Variants in PPP1R12C observed in about 807,000 individuals in gnomAD.
The protein encoded by PPP1R12C is protein phosphatase 1 regulatory subunit 12C.
Under a neutral mutation model 95.6 loss-of-function variants are expected in PPP1R12C, and 48 were observed. The observed-to-expected ratio is 0.50, with a 90% CI of 0.40 to 0.64. The LOEUF is 0.64. PPP1R12C is among the 30% of genes least tolerant of loss of function. PPP1R12C has a pLI of 0.00. For missense variants in PPP1R12C, 1,057 were observed against 1,083.3 expected (o/e 0.98, Z 0.34); for synonymous variants, 480 against 460.8 (o/e 1.04, Z -0.53).
chr19:55,106,010 G>A lies in PPP1R12C; in HGVS notation c.572-2442C>T, dbSNP rs1346671755. 4.0e-5 allele frequency among the ~76,000 whole-genome samples: 6 copies of A among 151,634 alleles called. No homozygotes were observed. The East Asian group carries it at 1.2e-3, about 29-fold the overall frequency. ...GCCCCTTGCACCCAGCAATCTTTCT[G>A]TCCCTGTGGATTTGCCTATTCTGAA... On this transcript the variant is annotated intron_variant, in intron 3 of 21. Transcript: ENST00000263433.
intron 3 of PPP1R12C, among the ~76,000 whole-genome samples, chr19:55,106,890 C>T (rs960935227): frequency 2.0e-4 from 31 of 152,158 alleles, no homozygotes; most frequent in Non-Finnish European, 2.6e-4. Context: ...ACCAAGGTGG[C>T]CCAGTGAGCA....
At chr19:55,105,095 T>C (rs1294045928) in intron 3 of PPP1R12C, among the ~76,000 whole-genome samples, 29 of 149,338 alleles carry the variant, frequency 1.9e-4, no homozygotes, top group African/African-American at 7.2e-4. Flanking sequence ...AGACAGGACC[T>C]CACACTGTCA....
Position 55,094,442 on chromosome 19 carries a change from G to T in PPP1R12C, c.1593-7C>A. Reference sequence around the variant, plus strand: ...CACAGGCATCTGGTAGGACCTGAGGGAAGGGTCCCAACCTCAGACAGGGAA... The same window carrying T: ...CACAGGCATCTGGTAGGACCTGAGGTAAGGGTCCCAACCTCAGACAGGGAA... On this transcript the variant is annotated splice_region_variant and splice_polypyrimidine_tract_variant and intron_variant, in intron 12 of 21. Transcript: ENST00000263433. 2 of 1,613,620 alleles carry T rather than the reference G, an allele frequency of 1.2e-6. No individual in the cohort carries two copies. The highest frequency in any genetic ancestry group is 1.7e-6 in the Non-Finnish European group (2 of 1,179,890).
intron 3 of PPP1R12C, among the ~76,000 whole-genome samples, chr19:55,107,636 T>C (rs2085052613): frequency 7.3e-6 from 1 of 136,616 alleles, no homozygotes; most frequent in Non-Finnish European, 1.5e-5. Flanking sequence ...CACTCATAGG[T>C]GGGAAATGAA....
chr19:55,105,341 A>G (rs556395190), intron 3 of PPP1R12C, among the ~76,000 whole-genome samples: 1 of 152,306 alleles, frequency 6.6e-6, no homozygotes, highest in Admixed American at 6.5e-5. Context: ...CGCCCTCTGC[A>G]TGTCTGCTGC....
chr19:55,109,677 G>A lies in PPP1R12C; in HGVS notation c.571+2790C>T, dbSNP rs1456557630. ...CTCCCAGCCCTGCCTGTGAGTGGCTGCCAGGGCCACACTATGGCCAGAGCC... is the reference window on the plus strand; with the variant it reads ...CTCCCAGCCCTGCCTGTGAGTGGCTACCAGGGCCACACTATGGCCAGAGCC... On this transcript the variant is annotated intron_variant, in intron 3 of 21. Coordinates refer to ENST00000263433, the MANE Select transcript of PPP1R12C (RefSeq NM_017607.4). The surrounding 1 kb of genome is among the most constrained non-coding windows in gnomAD (Gnocchi z 4.4). Among the ~76,000 whole-genome samples, 1 of 152,266 alleles carries A rather than the reference G, an allele frequency of 6.6e-6. No individual in the cohort carries two copies. The highest frequency in any genetic ancestry group is 1.9e-4 in the East Asian group (1 of 5,200).
intron 6 of PPP1R12C, among the ~76,000 whole-genome samples, chr19:55,097,607 G>C (rs867139555): frequency 1.4e-4 from 1 of 6,906 alleles, no homozygotes; most frequent in South Asian, 0.012. Context: ...CACCGTCTTC[G>C]CCCCTTCCCC....
At chr19:55,098,705 G>T in intron 6 of PPP1R12C, 79 bp downstream of exon 6, 2 of 1,531,314 alleles carry the variant, frequency 1.3e-6, no homozygotes, top group South Asian at 1.1e-5. Flanking sequence ...AGTCGGGGGG[G>T]TTCCCCCTCT....
rs1181022092 is a variant in PPP1R12C at position 55,096,190 on chromosome 19, G to C, written c.1026-12C>G. ...GACACACAGAGCTCCTGTTGGGGAA[G>C]GAGAGGGTGCTGGGGTACAAGCCCG... On this transcript the variant is annotated splice_polypyrimidine_tract_variant and intron_variant, in intron 7 of 21. Transcript: ENST00000263433. 1.2e-6 allele frequency: 2 copies of C among 1,608,992 alleles called. No homozygotes were observed. The highest frequency in any genetic ancestry group is 1.7e-6 in the Non-Finnish European group (2 of 1,176,664).
At position 55,117,367 on chromosome 19, in the gene PPP1R12C, A is replaced by T; in HGVS notation, c.177T>A (p.Cys59Ter). The T allele has an allele frequency of 9.0e-7, 1 of 1,109,878 alleles. No homozygotes were observed. The highest frequency in any genetic ancestry group is 1.1e-6 in the Non-Finnish European group (1 of 911,836). 68.8% of individuals were successfully genotyped at this position (1,109,878 alleles called of 1,614,324 possible). A position where few individuals can be genotyped will look rare whatever the true frequency, so the allele number is the denominator to read the frequency against. ...FERAAEFLAA[C>*]AGGDLDEARL... is the part of the protein sequence containing the mutation. ...GCGCCTCGTCCAGGTCGCCGCCCGC[A>T]CAGGCCGCCAGGAACTCGGCGGCGC... Residue 59 changes from cysteine (C) to a stop codon, truncating the protein, a stop_gained, in exon 1 of 22, where the codon TGT (cysteine) becomes TGA (stop). Coordinates refer to ENST00000263433, the MANE Select transcript of PPP1R12C (RefSeq NM_017607.4). LOFTEE classifies it high-confidence loss of function.
intron 3 of PPP1R12C, chr19:55,111,641 G>A (rs933032781): frequency 4.6e-5 from 7 of 152,036 alleles, no homozygotes; most frequent in Non-Finnish European, 7.3e-5. Flanking sequence ...GGCCCCGTCA[G>A]GACAGCCGCG....
intron 1 of PPP1R12C, chr19:55,113,377 G>T (rs988132082): frequency 2.8e-6 from 4 of 1,438,620 alleles, no homozygotes; most frequent in East Asian, 5.4e-5. Context: ...CCAGAGGGGT[G>T]AGACAGCTGC....
chr19:55,100,039 T>C (rs2084963955), intron 4 of PPP1R12C, among the ~76,000 whole-genome samples: 1 of 152,196 alleles, frequency 6.6e-6, no homozygotes, highest in Non-Finnish European at 1.5e-5. Context: ...GAGCTCACCC[T>C]GCCCCAGCTG....
intron 1 of PPP1R12C, chr19:55,113,339 G>T: frequency 7.7e-7 from 1 of 1,306,366 alleles, no homozygotes; most frequent in Non-Finnish European, 1.0e-6. Context: ...CCTGTGCTGG[G>T]ACAGACTCAG....
At chr19:55,111,042 A>G (rs578099044) in intron 3 of PPP1R12C, among the ~76,000 whole-genome samples, 2 of 151,898 alleles carry the variant, frequency 1.3e-5, no homozygotes, top group Non-Finnish European at 2.9e-5. Flanking sequence ...AAATCTATCA[A>G]AAAGTTAAAA....
At position 55,117,479 on chromosome 19, in the gene PPP1R12C, C is replaced by T; in HGVS notation, c.65G>A (p.Arg22Gln). 2 of 1,020,780 alleles carry T rather than the reference C, an allele frequency of 2.0e-6. No homozygotes were observed. The highest frequency in any genetic ancestry group is 3.9e-5 in the South Asian group (1 of 25,910). 63.2% of individuals were successfully genotyped at this position (1,020,780 alleles called of 1,614,324 possible). Residue 22 changes from arginine (R) to glutamine (Q), a missense_variant, in exon 1 of 22, where the codon CGA becomes CAA. Around this residue, in one of 5 missense-constraint regions of PPP1R12C, gnomAD observed 70 missense variants for 47.8 expected, o/e 1.46. Transcript: ENST00000263433. Reference sequence around the variant, plus strand: ...CCCCCACTGCCGCAGCTGCTCCCGTCGCCGCTCCCGGGCAGCCGCCGCCGC... The same window carrying T: ...CCCCCACTGCCGCAGCTGCTCCCGTTGCCGCTCCCGGGCAGCCGCCGCCGC... ...GAAAAAARER[R>Q]REQLRQWGAR...
chr19:55,098,716 G>C (rs1229828410), intron 6 of PPP1R12C, 68 bp downstream of exon 6: 2 of 1,590,200 alleles, frequency 1.3e-6, no homozygotes, highest in African/African-American at 2.7e-5. Flanking sequence ...TTCCCCCTCT[G>C]CACCCTCCTC....
Position 55,096,059 on chromosome 19 carries a change from CCTT to C in PPP1R12C, c.1142_1144del (p.Glu381del). The stretch of plus-strand genomic sequence containing the variant: ...AGATTCAGGCCCCTCACCGGTGGGA[CCTT>C]CTTCCCCCTCATCCTCGTCCTGGAT... On this transcript the variant is annotated inframe_deletion, in exon 8 of 22. Coordinates refer to ENST00000263433, the MANE Select transcript of PPP1R12C (RefSeq NM_017607.4). The C allele has an allele frequency of 6.2e-7, 1 of 1,609,740 alleles. No individual in the cohort carries two copies. Among genetic ancestry groups the C allele is most frequent in the Middle Eastern group, 1.7e-4 (1 of 6,052 alleles).
In PPP1R12C at chr19:55,092,678, C is replaced by A. The variant is rs764687665; in HGVS notation, c.1912-16G>T. 1.7e-5 allele frequency: 26 copies of A among 1,528,210 alleles called. No homozygotes were observed. The highest frequency in any genetic ancestry group is 2.3e-5 in the Non-Finnish European group (26 of 1,139,202). The allele number at this position is 1,528,210 out of a possible 1,614,324, so 94.7% of individuals were successfully genotyped here. On this transcript the variant is annotated splice_polypyrimidine_tract_variant and intron_variant, in intron 16 of 21. Transcript: ENST00000263433. ...CCTCCTCCCCCTGTGGGCAGGTAGA[C>A]GGGGGTTCAATGGGTATGGGAGGGA...
Sources: gnomAD v4.1 joint callset for allele counts (sites outside exome capture counted in the v4.1 genomes callset) on GRCh38, gnomAD v4.1.1 for gene constraint, gnomAD v4.1.1 regional missense constraint, Gnocchi (gnomAD v3.1) non-coding constraint, MANE v1.5 for transcripts, NCBI Gene and HGNC (gene_info 2026-07-23, HGNC 2026-07-21) for gene names.